SLC47A1: variants seen among roughly 807,000 people sequenced by gnomAD.
SLC47A1 encodes the protein multidrug and toxin extrusion protein 1.
Under a neutral mutation model 65.8 loss-of-function variants are expected in SLC47A1, and 58 were observed. The observed-to-expected ratio is 0.88, with a 90% CI of 0.71 to 1.10. SLC47A1 has a LOEUF of 1.10. Among genes scored for constraint, SLC47A1 ranks in the 50% least tolerant of loss-of-function variants. SLC47A1 has a pLI of 0.00. For synonymous variants in SLC47A1, 285 were observed against 295.0 expected (o/e 0.97, Z 0.35); for missense variants, 706 against 719.2 (o/e 0.98, Z 0.21).
intron 12 of SLC47A1, among the ~76,000 whole-genome samples, chr17:19,565,001 G>A (rs1277968433): frequency 5.3e-5 from 8 of 152,212 alleles, no homozygotes; most frequent in Admixed American, 5.2e-4. Flanking sequence ...TTACAGGCAT[G>A]AGCCACCACT....
Position 19,578,140 on chromosome 17 carries a change from T to C in SLC47A1, c.*587T>C. On this transcript the variant is annotated 3_prime_UTR_variant, in exon 17 of 17. Transcript: ENST00000270570. ...CTGAGACTACAGGGGTATGCCACCA[T>C]GCCCAGCTGGCATTTGTTAATCTTC... The C allele has an allele frequency of 2.2e-6, 1 of 444,572 alleles. No individual in the cohort carries two copies. Among genetic ancestry groups the C allele is most frequent in the South Asian group, 1.7e-5 (1 of 59,050 alleles). The allele number at this position is 444,572 out of a possible 1,614,324, so 27.5% of individuals were successfully genotyped here.
rs181135409 is a variant in SLC47A1 at position 19,550,977 on chromosome 17, A to G, written c.499-447A>G. ...TCACACTGGGGACTAGGGCTTCAAC[A>G]TACGGATCTAGGGACACCATTTGCC... On this transcript the variant is annotated intron_variant, in intron 5 of 16. Coordinates refer to ENST00000270570, the MANE Select transcript of SLC47A1 (RefSeq NM_018242.3). 2.6e-5 allele frequency among the ~76,000 whole-genome samples: 4 copies of G among 152,306 alleles called. No individual in the cohort carries two copies. In the East Asian group the frequency reaches 7.7e-4, roughly 29 times the overall value.
chr17:19,576,666 G>T (rs1207527407), intron 16 of SLC47A1, among the ~76,000 whole-genome samples: 1 of 151,650 alleles, frequency 6.6e-6, no homozygotes, highest in Non-Finnish European at 1.5e-5. Flanking sequence ...TTCTTAGGTT[G>T]TTTCTCCTTG....
At chr17:19,544,401 G>A (rs558517325) in intron 2 of SLC47A1, among the ~76,000 whole-genome samples, 3 of 152,348 alleles carry the variant, frequency 2.0e-5, no homozygotes, top group African/African-American at 7.2e-5. Context: ...ACAGGATGTG[G>A]CCAAGGACTT....
intron 6 of SLC47A1, among the ~76,000 whole-genome samples, chr17:19,554,873 G>C (rs1277538828): frequency 7.9e-5 from 12 of 152,128 alleles, no homozygotes; most frequent in Non-Finnish European, 1.8e-4. Context: ...CTATCGTCCA[G>C]TGTCAAAGGT....
Position 19,555,237 on chromosome 17 carries a change from C to T in SLC47A1, c.569C>T (p.Thr190Ile), listed in dbSNP as rs755018720. The stretch of plus-strand genomic sequence containing the variant: ...GGAATTGTACTGCCCCAGATCGTAA[C>T]TGGAGTTGCAGCCAACCTTGTCAAT... Reference protein sequence around the residue: ...NQGIVLPQIVTGVAANLVNAL... With the variant: ...NQGIVLPQIVIGVAANLVNAL... Residue 190 changes from threonine to isoleucine, a missense_variant, in exon 7 of 17, where the codon ACT becomes ATT. Physicochemically the swap from Thr to Ile is moderately conservative, Grantham distance 89. Coordinates refer to ENST00000270570, the MANE Select transcript of SLC47A1 (RefSeq NM_018242.3). 6.2e-7 allele frequency: 1 copy of T among 1,614,124 alleles called. No individual in the cohort carries two copies.
At chr17:19,545,201 T>A (rs545887049) in intron 2 of SLC47A1, among the ~76,000 whole-genome samples, 17 of 144,240 alleles carry the variant, frequency 1.2e-4, no homozygotes, top group African/African-American at 3.6e-4. Flanking sequence ...AATAAAAAAT[T>A]TTTTTTTTTT....
chr17:19,560,251 A>G lies in SLC47A1; in HGVS notation c.985A>G (p.Met329Val), dbSNP rs374170355. The part of the protein sequence containing the change: ...RVGNALGAGD[M>V]EQARKSSTVS... Reference sequence around the variant, plus strand: ...AGGAAACGCTCTGGGTGCTGGAGACATGGAGCAGGCACGGAAGTCCTCTAC... The same window carrying G: ...AGGAAACGCTCTGGGTGCTGGAGACGTGGAGCAGGCACGGAAGTCCTCTAC... Residue 329 changes from methionine (M) to valine (V), a missense_variant, in exon 11 of 17, where the codon ATG (methionine) becomes GTG (valine). Physicochemically the swap from Met to Val is conservative, Grantham distance 21. Transcript: ENST00000270570. 1.2e-5 allele frequency: 19 copies of G among 1,613,736 alleles called. No homozygotes were observed. In the African/African-American group the frequency reaches 2.3e-4, roughly 19 times the overall value.
intron 2 of SLC47A1, among the ~76,000 whole-genome samples, chr17:19,544,517 G>A (rs1044973353): frequency 6.6e-6 from 1 of 152,166 alleles, no homozygotes; most frequent in Non-Finnish European, 1.5e-5. Context: ...GAGCACATCA[G>A]ACATCCTGTG....
chr17:19,575,428 T>C (rs2084432446), intron 16 of SLC47A1, among the ~76,000 whole-genome samples: 1 of 150,822 alleles, frequency 6.6e-6, no homozygotes, highest in African/African-American at 2.4e-5. Context: ...AGATAGGGTC[T>C]TGTTCTGTCA....
At chr17:19,545,945 G>A (rs138719280) in intron 2 of SLC47A1, among the ~76,000 whole-genome samples, 208 of 152,204 alleles carry the variant, frequency 1.4e-3, no homozygotes, top group African/African-American at 3.9e-3. Flanking sequence ...GTTCTAGGCC[G>A]CGCGCTGTGG....
In SLC47A1 at chr17:19,577,639, T is replaced by G; in HGVS notation, c.*86T>G. On this transcript the variant is annotated 3_prime_UTR_variant, in exon 17 of 17. Transcript: ENST00000270570. The stretch of plus-strand genomic sequence containing the variant: ...CCACCAGTGACAATTTACTGTGAGT[T>G]AATGTCATTCAGGTGTGCCCATGGA... 1 of 1,574,580 alleles carries G rather than the reference T, an allele frequency of 6.4e-7. No homozygotes were observed.
intron 1 of SLC47A1, among the ~76,000 whole-genome samples, chr17:19,537,872 C>G (rs1916034910): frequency 1.3e-5 from 2 of 152,214 alleles, no homozygotes; most frequent in Admixed American, 1.3e-4. Flanking sequence ...AAGTCCTCCC[C>G]GACAGACAAG....
chr17:19,560,390 TTG>T, intron 11 of SLC47A1, 26 bp from the exon 12 acceptor site: 1 of 1,613,782 alleles, frequency 6.2e-7, no homozygotes, highest in South Asian at 1.1e-5. Context: ...GTTCACTGTG[TTG>T]TTTCTTCTGC....
intron 10 of SLC47A1, 112 bp downstream of exon 10, chr17:19,556,174 G>T: frequency 7.9e-7 from 1 of 1,258,894 alleles, no homozygotes; most frequent in Non-Finnish European, 1.1e-6. Flanking sequence ...GTGAAATGAT[G>T]GACAAAAGTC....
At chr17:19,541,864 C>T (rs775605158) in intron 1 of SLC47A1, among the ~76,000 whole-genome samples, 34 of 152,166 alleles carry the variant, frequency 2.2e-4, no homozygotes, top group Non-Finnish European at 1.3e-4. Context: ...CAGTGGCTCA[C>T]GCCTGTAATC....
At position 19,553,406 on chromosome 17, in the gene SLC47A1, C is replaced by G. The variant is rs922395974; in HGVS notation, c.544-1806C>G. 2.0e-5 allele frequency among the ~76,000 whole-genome samples: 3 copies of G among 152,190 alleles called. No homozygotes were observed. In the South Asian group the frequency reaches 6.2e-4, roughly 31 times the overall value. ...CCGTGGCCTCAGCCATTTTTGCTCC[C>G]AGTAACCTGTCCTTTTTGTCCCTGT... On this transcript the variant is annotated intron_variant, in intron 6 of 16. Coordinates refer to ENST00000270570, the MANE Select transcript of SLC47A1 (RefSeq NM_018242.3).
At chr17:19,543,402 G>A (rs776008009) in intron 2 of SLC47A1, among the ~76,000 whole-genome samples, 10 of 152,156 alleles carry the variant, frequency 6.6e-5, no homozygotes, top group East Asian at 5.8e-4. Flanking sequence ...GAGCCACTGC[G>A]CCCGGCCTAC....
At chr17:19,566,923 TGA>T in intron 13 of SLC47A1, 64 bp downstream of exon 13, 1 of 1,596,846 alleles carries the variant, frequency 6.3e-7, no homozygotes, top group South Asian at 1.1e-5. Flanking sequence ...AAATTTCAGC[TGA>T]GAGGAGGGGC....
Sources: gnomAD v4.1 joint callset for allele counts (sites outside exome capture counted in the v4.1 genomes callset) on GRCh38, gnomAD v4.1.1 for gene constraint, MANE v1.5 for transcripts, NCBI Gene and HGNC (gene_info 2026-07-23, HGNC 2026-07-21) for gene names.